ASAP2: variants seen among roughly 807,000 people sequenced by gnomAD.
The protein encoded by ASAP2 is ArfGAP with SH3 domain, ankyrin repeat and PH domain 2.
Under a neutral mutation model 131.4 loss-of-function variants are expected in ASAP2, and 45 were observed. That is an observed-to-expected ratio of 0.34 (90% CI 0.27 to 0.44). The LOEUF (loss-of-function observed/expected upper bound fraction) is 0.44. Ranked by LOEUF, ASAP2 falls within the 20% of genes least tolerant of loss-of-function variation. The pLI, the probability that ASAP2 is intolerant of heterozygous loss-of-function variation, is 1.00. For synonymous variants in ASAP2, 510 were observed against 503.0 expected (o/e 1.01, Z -0.19); for missense variants, 1,011 against 1,297.0 (o/e 0.78, Z 3.39).
intron 2 of ASAP2, among the ~76,000 whole-genome samples, chr2:9,294,059 TG>T (rs1483393589): frequency 6.6e-6 from 1 of 150,662 alleles, no homozygotes; most frequent in Non-Finnish European, 1.5e-5. Flanking sequence ...AGTGCAGTGG[TG>T]CGATCTCTGC....
intron 24 of ASAP2, among the ~76,000 whole-genome samples, chr2:9,397,726 GGA>G (rs1558403185): frequency 9.6e-6 from 1 of 104,370 alleles, no homozygotes; most frequent in African/African-American, 5.6e-5. Context: ...AAAATCAAAA[GGA>G]TATATATATA....
intron 1 of ASAP2, among the ~76,000 whole-genome samples, chr2:9,261,894 C>T (rs1261148565): frequency 6.6e-6 from 1 of 152,254 alleles, no homozygotes; most frequent in East Asian, 1.9e-4. Flanking sequence ...TCATGCCCTG[C>T]TCCTTTAACC....
intron 5 of ASAP2, 41 bp from the exon 6 acceptor site, chr2:9,323,080 T>C (rs1244194219): frequency 6.2e-7 from 1 of 1,612,882 alleles, no homozygotes; most frequent in South Asian, 1.1e-5. Flanking sequence ...TTGAGTTCTG[T>C]GCCAACAGGC....
chr2:9,337,317 A>G (rs930331174), intron 9 of ASAP2, among the ~76,000 whole-genome samples: 8 of 152,358 alleles, frequency 5.3e-5, no homozygotes, highest in African/African-American at 1.7e-4. Flanking sequence ...ATCTTTGAAC[A>G]CAGTTGCAAG....
At chr2:9,245,467 A>G (rs1333704857) in intron 1 of ASAP2, among the ~76,000 whole-genome samples, 1 of 147,972 alleles carries the variant, frequency 6.8e-6, no homozygotes, top group Non-Finnish European at 1.5e-5. Context: ...GATTAGTCAT[A>G]CATTTACTGT....
At position 9,380,765 on chromosome 2, in the gene ASAP2, T is replaced by C. The variant is rs1394106354; in HGVS notation, c.1973T>C (p.Leu658Pro). ...GCAAACGAGTCAGGAGAGACTCCGC[T>C]GGACATTGCCAAGCGCCTCAAGCAC... ...EIANESGETPLDIAKRLKHEH... is the reference protein window; with the variant it reads ...EIANESGETPPDIAKRLKHEH... Residue 658 changes from leucine to proline, a missense_variant, in exon 20 of 28, where the codon CTG becomes CCG. Coordinates refer to ENST00000281419, the MANE Select transcript of ASAP2 (RefSeq NM_003887.3). 1 of 1,614,082 alleles carries C rather than the reference T, an allele frequency of 6.2e-7. No homozygotes were observed. Among genetic ancestry groups the C allele is most frequent in the Non-Finnish European group, 8.5e-7 (1 of 1,180,046 alleles).
rs1000945317 is a variant in ASAP2, at chr2:9,398,295, A to C, written c.2685-1728A>C. 3.3e-5 allele frequency among the ~76,000 whole-genome samples: 5 copies of C among 151,568 alleles called. No homozygotes were observed. The East Asian group carries it at 7.9e-4, about 24-fold the overall frequency. On this transcript the variant is annotated intron_variant, in intron 24 of 27. Transcript: ENST00000281419. ...GAGGCCGAGGCAGGAGGATTGCTTG[A>C]GACTAGGAGTTCGAGACCAGGCTGG... is the stretch of plus-strand genomic sequence containing the variant.
chr2:9,385,818 C>A (rs191983724), intron 21 of ASAP2, among the ~76,000 whole-genome samples: 1 of 152,322 alleles, frequency 6.6e-6, no homozygotes, highest in Non-Finnish European at 1.5e-5. Context: ...GATATTGAAG[C>A]CTCAAGAGAA....
chr2:9,336,234 G>A (rs1385362730), intron 9 of ASAP2, among the ~76,000 whole-genome samples: 1 of 152,034 alleles, frequency 6.6e-6, no homozygotes, highest in Non-Finnish European at 1.5e-5. Flanking sequence ...ACATTTTCTG[G>A]GTTTACAGTT....
chr2:9,219,520 A>G (rs1662275916), intron 1 of ASAP2, among the ~76,000 whole-genome samples: 1 of 152,240 alleles, frequency 6.6e-6, no homozygotes, highest in South Asian at 2.1e-4. Flanking sequence ...AAGTCCCTGG[A>G]ATAAATTACA....
intron 5 of ASAP2, among the ~76,000 whole-genome samples, chr2:9,321,037 G>A (rs867425493): frequency 1.3e-5 from 2 of 152,068 alleles, no homozygotes; most frequent in Non-Finnish European, 1.5e-5. Context: ...GGGGAATAAT[G>A]GCTTCAATTA....
intron 5 of ASAP2, 58 bp from the exon 6 acceptor site, chr2:9,323,063 T>C: frequency 6.2e-7 from 1 of 1,607,390 alleles, no homozygotes; most frequent in Non-Finnish European, 8.5e-7. Flanking sequence ...GCTTCAAGGC[T>C]GTCCCGTTGA....
intron 7 of ASAP2, among the ~76,000 whole-genome samples, chr2:9,329,228 A>G (rs1670675657): frequency 1.3e-5 from 2 of 152,224 alleles, no homozygotes; most frequent in South Asian, 4.1e-4. Flanking sequence ...ACGAAACTGC[A>G]TGGAAAAGCC....
intron 1 of ASAP2, among the ~76,000 whole-genome samples, chr2:9,216,102 C>T (rs1662004474): frequency 6.6e-6 from 1 of 152,140 alleles, no homozygotes; most frequent in Non-Finnish European, 1.5e-5. Context: ...GCCTTTGACT[C>T]TGCAGGGCAA....
rs369315730 is a variant in ASAP2, at chr2:9,219,005, G to C, written c.126+11775G>C. 1.7e-3 allele frequency among the ~76,000 whole-genome samples: 254 copies of C among 152,294 alleles called. 1 individual carries two copies. Among genetic ancestry groups the C allele is most frequent in the Non-Finnish European group, 2.9e-3 (198 of 68,028 alleles). On this transcript the variant is annotated intron_variant, in intron 1 of 27. Coordinates refer to ENST00000281419, the MANE Select transcript of ASAP2 (RefSeq NM_003887.3). Reference sequence around the variant, plus strand: ...GTTTGAGATTGGGCCGAATGAGGCCGTGTTGTTTGCCATCTGTCTTGCCTC... The same window carrying C: ...GTTTGAGATTGGGCCGAATGAGGCCCTGTTGTTTGCCATCTGTCTTGCCTC...
chr2:9,350,375 G>A (rs1254986303), intron 11 of ASAP2: 1 of 154,546 alleles, frequency 6.5e-6, no homozygotes, highest in Non-Finnish European at 1.4e-5. Context: ...CACTGGAAGT[G>A]AGGTTTATGC....
chr2:9,382,607 T>TC (rs981320228), intron 20 of ASAP2, among the ~76,000 whole-genome samples: 1 of 152,222 alleles, frequency 6.6e-6, no homozygotes, highest in African/African-American at 2.4e-5. Context: ...ATGAGCACAT[T>TC]CATTCTCCTG....
At chr2:9,347,120 T>C (rs10929573) in intron 11 of ASAP2, among the ~76,000 whole-genome samples, 141,720 of 152,228 alleles carry the variant, frequency 0.93, 66,604 homozygotes, top group Non-Finnish European at 1. Context: ...GCAGGGGTGG[T>C]AGGTGGGGCT....
chr2:9,279,748 T>C (rs774627122), intron 2 of ASAP2, among the ~76,000 whole-genome samples: 23 of 152,164 alleles, frequency 1.5e-4, no homozygotes, highest in Non-Finnish European at 3.1e-4. Context: ...CTGTTAATTG[T>C]GTCACAGTGC....
Sources: allele counts gnomAD v4.1 joint callset (sites outside exome capture counted in the v4.1 genomes callset), GRCh38; gene constraint gnomAD v4.1.1; transcripts MANE v1.5; gene names NCBI Gene and HGNC (gene_info 2026-07-23, HGNC 2026-07-21).